Variants in FUBP3 observed in about 807,000 individuals in gnomAD.
FUBP3 encodes far upstream element binding protein 3.
Under a neutral mutation model 85.6 loss-of-function variants are expected in FUBP3, and 28 were observed. That is an observed-to-expected ratio of 0.33 (90% CI 0.24 to 0.45). The LOEUF is 0.45. FUBP3 is among the 20% of genes least tolerant of loss of function. FUBP3 has a pLI of 1.00. For synonymous variants in FUBP3, 271 were observed against 271.4 expected, an observed-to-expected ratio of 1.00 and a Z score of 0.01; for missense variants, 583 against 755.1, an observed-to-expected ratio of 0.77 and a Z score of 2.67.
chr9:130,601,335 C>G (rs1831141944), intron 2 of FUBP3, among the ~76,000 whole-genome samples: 1 of 152,224 alleles, frequency 6.6e-6, no homozygotes, highest in South Asian at 2.1e-4. Flanking sequence ...AGAGAAGTCA[C>G]TTCCCATTTG....
chr9:130,592,984 A>G (rs960406946), intron 1 of FUBP3, among the ~76,000 whole-genome samples: 3 of 151,992 alleles, frequency 2.0e-5, no homozygotes, highest in African/African-American at 7.3e-5. Flanking sequence ...CCTTTGGAAC[A>G]TATCTAGTTC....
chr9:130,612,624 T>C lies in FUBP3; in HGVS notation c.274+119T>C. The C allele has an allele frequency of 2.7e-6, 2 of 727,816 alleles. No homozygotes were observed. The highest frequency in any genetic ancestry group is 4.9e-6 in the Non-Finnish European group (2 of 408,916). The allele number at this position is 727,816 out of a possible 1,614,324, so 45.1% of individuals were successfully genotyped here. On this transcript the variant is annotated intron_variant, in intron 4 of 18. Coordinates refer to ENST00000319725, the MANE Select transcript of FUBP3 (RefSeq NM_003934.2). The surrounding 1 kb of genome is among the most constrained non-coding windows in gnomAD (Gnocchi z 4.1). ...TTTAATCTCTCTTGTGAGTATCACC[T>C]GTAGTAGAATGCTTTGCACATGCCA...
chr9:130,607,313 G>A (rs1831510944), intron 2 of FUBP3, among the ~76,000 whole-genome samples: 1 of 150,914 alleles, frequency 6.6e-6, no homozygotes, highest in East Asian at 1.9e-4. Flanking sequence ...TATTAAAATT[G>A]GCAGAGTATT....
intron 13 of FUBP3, chr9:130,631,324 GC>G (rs1830200365): frequency 7.1e-7 from 1 of 1,401,022 alleles, no homozygotes. Flanking sequence ...TGATGCCAGG[GC>G]AGTTGTGGTG....
chr9:130,619,885 A>C (rs1007112596), intron 8 of FUBP3, among the ~76,000 whole-genome samples: 3 of 152,160 alleles, frequency 2.0e-5, no homozygotes, highest in Non-Finnish European at 2.9e-5. Context: ...TTTTCTTTTT[A>C]ACTTACTGGA....
At chr9:130,614,175 C>A in intron 5 of FUBP3, 113 bp from the exon 6 acceptor site, 1 of 616,046 alleles carries the variant, frequency 1.6e-6, no homozygotes, top group Admixed American at 2.4e-5. Context: ...TTTCTGGGAG[C>A]CTGGGCCTCT....
intron 7 of FUBP3, among the ~76,000 whole-genome samples, chr9:130,617,296 G>T (rs536969116): frequency 2.0e-5 from 3 of 152,290 alleles, no homozygotes; most frequent in African/African-American, 7.2e-5. Context: ...CTTCCCTTGC[G>T]TGCCATCTCA....
intron 1 of FUBP3, among the ~76,000 whole-genome samples, chr9:130,592,534 CTTGT>C (rs906240635): frequency 6.6e-6 from 1 of 152,034 alleles, no homozygotes; most frequent in Non-Finnish European, 1.5e-5. Context: ...TCAAGGGGAT[CTTGT>C]TTGTTGTTTT....
chr9:130,591,114 ACTC>A (rs1248675099), intron 1 of FUBP3, among the ~76,000 whole-genome samples: 2 of 151,100 alleles, frequency 1.3e-5, no homozygotes, highest in African/African-American at 4.9e-5. Context: ...TGGGCAGGTC[ACTC>A]CATGTCTGAG....
At position 130,624,609 on chromosome 9, in the gene FUBP3, T is replaced by TTGTGTGTGTG. The variant is rs138986229; in HGVS notation, c.975+932_975+941dup. ...AACTTTCTTAAAATGTTACAAGATTTTGTGTGTGTGTGTGTGTGTGTGTGT... is the reference window on the plus strand; with the variant it reads ...AACTTTCTTAAAATGTTACAAGATTTTGTGTGTGTGTGTGTGTGTGTGTGTGTGTGTGTGT... On this transcript the variant is annotated intron_variant, in intron 11 of 18. Coordinates refer to ENST00000319725, the MANE Select transcript of FUBP3 (RefSeq NM_003934.2). 3.4e-3 allele frequency among the ~76,000 whole-genome samples: 487 copies of TTGTGTGTGTG among 143,960 alleles called. 2 individuals carry two copies. The highest frequency in any genetic ancestry group is 0.016 in the East Asian group (78 of 4,746). The allele number at this position is 143,960 out of a possible 152,430, so 94.4% of individuals were successfully genotyped here.
At chr9:130,624,784 G>C (rs1437041363) in intron 11 of FUBP3, among the ~76,000 whole-genome samples, 1 of 151,918 alleles carries the variant, frequency 6.6e-6, no homozygotes, top group Non-Finnish European at 1.5e-5. Flanking sequence ...TCCTTTTTTT[G>C]TAGCAAGAGT....
chr9:130,633,601 C>CT (rs1380691038), intron 16 of FUBP3, among the ~76,000 whole-genome samples: 1 of 152,298 alleles, frequency 6.6e-6, no homozygotes, highest in South Asian at 2.1e-4. Context: ...TGGAGCTTGG[C>CT]TTTTTTTGTT....
At chr9:130,625,683 C>T (rs539751751) in intron 11 of FUBP3, among the ~76,000 whole-genome samples, 118 of 152,328 alleles carry the variant, frequency 7.7e-4, no homozygotes, top group African/African-American at 2.5e-3. Context: ...AGGTTTTTCT[C>T]TCTGCTGGGT....
rs561878178 is a variant in FUBP3 at position 130,606,560 on chromosome 9, C to T, written c.191-3394C>T. On this transcript the variant is annotated intron_variant, in intron 2 of 18. Transcript: ENST00000319725. ...ATGTGGCCGGGCGCGGTGGCTCACG[C>T]CTGTAATCCCAGCACTTTGGGAGGC... Among the ~76,000 whole-genome samples, 6 of 152,200 alleles carry T rather than the reference C, an allele frequency of 3.9e-5. No individual in the cohort carries two copies. In the South Asian group the frequency reaches 1.2e-3, roughly 32 times the overall value.
At position 130,637,338 on chromosome 9, in the gene FUBP3, G is replaced by A. The variant is rs555969270; in HGVS notation, c.*316G>A. The A allele has an allele frequency of 6.0e-6, 2 of 330,710 alleles. No individual in the cohort carries two copies. The highest frequency in any genetic ancestry group is 4.2e-5 in the African/African-American group (2 of 47,438). 20.5% of individuals were successfully genotyped at this position (330,710 alleles called of 1,614,324 possible). ...ATTTCAACATGATGGTTTTGGTTTGGTTTGGTTTTGTGTCCTTTTTATTTG... is the reference window on the plus strand; with the variant it reads ...ATTTCAACATGATGGTTTTGGTTTGATTTGGTTTTGTGTCCTTTTTATTTG... On this transcript the variant is annotated 3_prime_UTR_variant, in exon 19 of 19. Transcript: ENST00000319725.
chr9:130,588,457 A>C lies in FUBP3; in HGVS notation c.85-7026A>C, dbSNP rs73547969. On this transcript the variant is annotated intron_variant, in intron 1 of 18. Coordinates refer to ENST00000319725, the MANE Select transcript of FUBP3 (RefSeq NM_003934.2). ...TAGGTGCTAGTTACATAGGTATTTT[A>C]GTGTCCGAAAGTTCAGTGAGCTATA... Among the ~76,000 whole-genome samples, 441 of 152,260 alleles carry C rather than the reference A, an allele frequency of 2.9e-3. 3 individuals carry two copies. The highest frequency in any genetic ancestry group is 0.01 in the African/African-American group (426 of 41,534).
Position 130,631,580 on chromosome 9 carries a change from A to G in FUBP3, c.1302A>G (p.Gly434=). 1 of 1,613,960 alleles carries G rather than the reference A, an allele frequency of 6.2e-7. No homozygotes were observed. The highest frequency in any genetic ancestry group is 8.5e-7 in the Non-Finnish European group (1 of 1,179,846). ...KVGGTNLGAP[G]AFGQSPFSQP... The stretch of plus-strand genomic sequence containing the variant: ...AGGGGACCAATCTCGGAGCACCTGG[A>G]GCCTTCGGACAGAGTCCATTCAGCC... The change falls in exon 14 of 19, where the codon GGA becomes GGG. Residue 434 remains glycine (G), a synonymous_variant. Coordinates refer to ENST00000319725, the MANE Select transcript of FUBP3 (RefSeq NM_003934.2).
intron 16 of FUBP3, among the ~76,000 whole-genome samples, chr9:130,634,264 C>T (rs1285835662): frequency 6.6e-6 from 1 of 152,220 alleles, no homozygotes; most frequent in Non-Finnish European, 1.5e-5. Context: ...CTCCACATGG[C>T]CCCTCCACTT....
chr9:130,634,323 G>A (rs944156015), intron 16 of FUBP3, among the ~76,000 whole-genome samples: 6 of 152,372 alleles, frequency 3.9e-5, no homozygotes, highest in Non-Finnish European at 5.9e-5. Flanking sequence ...AGGGCCACGC[G>A]AAGAGAGTGG....
Sources: gnomAD v4.1 joint callset for allele counts (sites outside exome capture counted in the v4.1 genomes callset) on GRCh38, gnomAD v4.1.1 for gene constraint, Gnocchi (gnomAD v3.1) non-coding constraint, MANE v1.5 for transcripts, NCBI Gene and HGNC (gene_info 2026-07-23, HGNC 2026-07-21) for gene names.